Variants in ANOS1 observed in about 807,000 individuals in gnomAD.
ANOS1 encodes the protein anosmin 1, also known as anosmin-1.
In ANOS1, 6 loss-of-function variants were observed where a neutral mutation model predicts 59.0. The ratio of observed to expected loss-of-function variants is 0.10; its 90% CI spans 0.06 to 0.20. The LOEUF is 0.20. Ranked by LOEUF, ANOS1 falls within the 10% of genes least tolerant of loss-of-function variation. ANOS1 has a pLI of 1.00. For synonymous variants in ANOS1, 217 were observed against 223.4 expected (o/e 0.97, Z 0.25); for missense variants, 433 against 542.3 (o/e 0.80, Z 2.00).
intron 9 of ANOS1, among the ~76,000 whole-genome samples, chrX:8,542,348 T>A (rs1283238128): frequency 9.0e-6 from 1 of 111,288 alleles, no homozygotes; most frequent in Non-Finnish European, 1.9e-5. Context: ...GATGCAGAAT[T>A]TTGACCCCAC....
chrX:8,650,961 G>A (rs1172874906), intron 2 of ANOS1, among the ~76,000 whole-genome samples: 1 of 113,036 alleles, frequency 8.8e-6, no homozygotes, highest in Non-Finnish European at 1.9e-5. Flanking sequence ...AATGCCCATT[G>A]CTAATTAATC....
At chrX:8,569,646 A>G (rs986796162) in intron 7 of ANOS1, among the ~76,000 whole-genome samples, 1 of 112,095 alleles carries the variant, frequency 8.9e-6, no homozygotes, top group African/African-American at 3.2e-5. Context: ...CCTCTCAAAA[A>G]TAAATAAATA....
intron 3 of ANOS1, among the ~76,000 whole-genome samples, chrX:8,620,922 TGC>T (rs1931280347): frequency 8.9e-6 from 1 of 112,253 alleles, no homozygotes; most frequent in African/African-American, 3.2e-5. Context: ...TACAGAAACC[TGC>T]TCTTGAATTT....
At chrX:8,610,522 A>G (rs1160661764) in intron 3 of ANOS1, among the ~76,000 whole-genome samples, 1 of 112,210 alleles carries the variant, frequency 8.9e-6, no homozygotes, top group Non-Finnish European at 1.9e-5. Context: ...AACTGCATGA[A>G]GAGAGAAACC....
intron 10 of ANOS1, among the ~76,000 whole-genome samples, chrX:8,538,136 C>G (rs1929627770): frequency 1.8e-5 from 2 of 111,191 alleles, no homozygotes; most frequent in Admixed American, 9.6e-5. Context: ...CCAAGCCCAA[C>G]CCAAGCCCAA....
chrX:8,597,225 AAG>A lies in ANOS1; in HGVS notation c.348_349del (p.Leu117AspfsTer4). 2 of 1,211,347 alleles carry A rather than the reference AAG, an allele frequency of 1.7e-6. No homozygotes were observed. Among genetic ancestry groups the A allele is most frequent in the Non-Finnish European group, 2.2e-6 (2 of 895,013 alleles). On this transcript the variant is annotated frameshift_variant, in exon 4 of 14. Transcript: ENST00000262648. LOFTEE classifies it high-confidence loss of function. ...GTATTTGAGGAACTCACAGCTGGTC[AAG>A]CATTCGTAGCTCTTCTTGGGGAAGA...
chrX:8,672,432 G>A (rs1333481776), intron 2 of ANOS1, among the ~76,000 whole-genome samples: 1 of 112,402 alleles, frequency 8.9e-6, no homozygotes, highest in East Asian at 2.8e-4. Flanking sequence ...AGTTCCCCCT[G>A]AATTGGCTTG....
At chrX:8,558,559 A>T (rs1450928706) in intron 8 of ANOS1, among the ~76,000 whole-genome samples, 1 of 111,667 alleles carries the variant, frequency 9.0e-6, no homozygotes, top group Non-Finnish European at 1.9e-5. Context: ...TGTAAATAAT[A>T]AGTATGAATA....
chrX:8,671,481 T>A (rs1224681975), intron 2 of ANOS1, among the ~76,000 whole-genome samples: 4 of 110,908 alleles, frequency 3.6e-5, no homozygotes, highest in Non-Finnish European at 5.7e-5. Flanking sequence ...TTCTGCTCCA[T>A]GAAGGCACGG....
chrX:8,720,159 G>T (rs907407540), intron 1 of ANOS1, among the ~76,000 whole-genome samples: 23 of 111,919 alleles, frequency 2.1e-4, no homozygotes, highest in African/African-American at 7.5e-4. Context: ...AAAAGGCAAT[G>T]AAGCAAGCAT....
chrX:8,562,287 A>G (rs748544455), intron 8 of ANOS1, among the ~76,000 whole-genome samples: 43 of 112,054 alleles, frequency 3.8e-4, no homozygotes, highest in African/African-American at 1.3e-3. Flanking sequence ...ACATATTTTT[A>G]TATATCTTAA....
intron 2 of ANOS1, among the ~76,000 whole-genome samples, chrX:8,628,101 G>A (rs1279274778): frequency 1.8e-5 from 2 of 111,333 alleles, no homozygotes; most frequent in Admixed American, 1.9e-4. Context: ...AAACCAAGAT[G>A]GCAAATGAAA....
chrX:8,709,100 C>T (rs1932796285), intron 1 of ANOS1, among the ~76,000 whole-genome samples: 1 of 109,311 alleles, frequency 9.1e-6, no homozygotes, highest in South Asian at 4.1e-4. Flanking sequence ...ACATTACACA[C>T]CAGAGCCTGT....
At chrX:8,568,131 T>C in intron 8 of ANOS1, 101 bp downstream of exon 8, 1 of 841,029 alleles carries the variant, frequency 1.2e-6, no homozygotes, top group Non-Finnish European at 1.7e-6. Context: ...TGCCATATAA[T>C]TATTCCAAAT....
Position 8,529,310 on chromosome X carries a change from A to T in ANOS1, c.*3685T>A, listed in dbSNP as rs981601405. On this transcript the variant is annotated 3_prime_UTR_variant, in exon 14 of 14. Coordinates refer to ENST00000262648, the MANE Select transcript of ANOS1 (RefSeq NM_000216.4). ...AGTCTGACCATGCAAAATCACAGGT[A>T]AGAGTCAACATCTTTATATATCTGT... The T allele has an allele frequency of 8.9e-6, 1 of 112,068 alleles. No individual in the cohort carries two copies. Among genetic ancestry groups the T allele is most frequent in the African/African-American group, 3.2e-5 (1 of 30,847 alleles). The allele number at this position is 112,068 out of a possible 1,213,427, so 9.2% of individuals were successfully genotyped here. A position where few individuals can be genotyped will look rare whatever the true frequency, so the allele number is the denominator to read the frequency against.
rs1930545681 is a variant in ANOS1, at chrX:8,587,854, T to C, written c.666A>G (p.Arg222=). ...CGCTAGGATGGATTCCATAATTCCA[T>C]CTTCTTTGTACCACATAGATCACAG... is the stretch of plus-strand genomic sequence containing the variant. The part of the protein sequence containing the change: ...IEPVIYVVQR[R]WNYGIHPSED... The change falls in exon 5 of 14, where the codon AGA becomes AGG. Residue 222 remains arginine (R), a synonymous_variant. Transcript: ENST00000262648. The C allele has an allele frequency of 6.6e-6, 8 of 1,207,476 alleles. No homozygotes were observed. The highest frequency in any genetic ancestry group is 7.8e-6 in the Non-Finnish European group (7 of 892,910).
At chrX:8,659,762 G>A (rs1203968634) in intron 2 of ANOS1, among the ~76,000 whole-genome samples, 1 of 109,308 alleles carries the variant, frequency 9.1e-6, no homozygotes, top group Non-Finnish European at 1.9e-5. Flanking sequence ...CCGAGTAGCT[G>A]GGACTACAAG....
chrX:8,699,259 G>GA (rs1259796768), intron 2 of ANOS1, among the ~76,000 whole-genome samples: 1 of 111,796 alleles, frequency 8.9e-6, no homozygotes, highest in East Asian at 2.8e-4. Flanking sequence ...ACTCTTTAAT[G>GA]AAAAAATCAA....
chrX:8,562,955 G>A (rs7063150), intron 8 of ANOS1, among the ~76,000 whole-genome samples: 11,141 of 111,882 alleles, frequency 0.1, 1,332 homozygotes, highest in African/African-American at 0.35. Flanking sequence ...TGCTTATACT[G>A]TAACGTTGTA....
Sources: gnomAD v4.1 joint callset for allele counts (sites outside exome capture counted in the v4.1 genomes callset) on GRCh38, gnomAD v4.1.1 for gene constraint, MANE v1.5 for transcripts, NCBI Gene and HGNC (gene_info 2026-07-23, HGNC 2026-07-21) for gene names.